The following DNAJA2 variants were observed in gnomAD, a reference collection of about 807,000 sequenced individuals.
DNAJA2 encodes the protein dnaJ homolog subfamily A member 2.
A neutral mutation model predicts 49.3 loss-of-function variants in DNAJA2; 6 were observed. That is an observed-to-expected ratio of 0.12 (90% CI 0.07 to 0.24). DNAJA2 has a LOEUF of 0.24. Among genes scored for constraint, DNAJA2 ranks in the 10% least tolerant of loss-of-function variants. DNAJA2 has a pLI of 1.00. For synonymous variants in DNAJA2, 160 were observed against 172.7 expected, an observed-to-expected ratio of 0.93 and a Z score of 0.58; for missense variants, 347 against 516.8, an observed-to-expected ratio of 0.67 and a Z score of 3.19.
intron 7 of DNAJA2, 60 bp from the exon 8 acceptor site, chr16:46,959,190 A>T: frequency 6.4e-7 from 1 of 1,564,466 alleles, no homozygotes; most frequent in Admixed American, 2.0e-5. Flanking sequence ...AATTTTTTTT[A>T]GAGTTATGCA....
chr16:46,964,482 A>G (rs934374571), intron 6 of DNAJA2, 129 bp downstream of exon 6: 1 of 833,210 alleles, frequency 1.2e-6, no homozygotes, highest in Non-Finnish European at 1.8e-6. Flanking sequence ...GGAACTCACC[A>G]TGATGCCCTT....
chr16:46,970,538 C>CAGCT (rs1203592262), intron 3 of DNAJA2, among the ~76,000 whole-genome samples: 1 of 149,242 alleles, frequency 6.7e-6, no homozygotes, highest in African/African-American at 2.5e-5. Context: ...AGTTCAAGAC[C>CAGCT]AGCTTGGCCA....
chr16:46,973,580 G>T lies in DNAJA2; in HGVS notation c.-8C>A. 1 of 1,591,536 alleles carries T rather than the reference G, an allele frequency of 6.3e-7. No individual in the cohort carries two copies. Among genetic ancestry groups the T allele is most frequent in the Non-Finnish European group, 8.5e-7 (1 of 1,174,304 alleles). Reference sequence around the variant, plus strand: ...GTCAGCCACGTTAGCCATGGCGGCCGGCCGGGCAGTGCTCGGGGAGAAGGT... The same window carrying T: ...GTCAGCCACGTTAGCCATGGCGGCCTGCCGGGCAGTGCTCGGGGAGAAGGT... On this transcript the variant is annotated 5_prime_UTR_variant, in exon 1 of 9. Coordinates refer to ENST00000317089, the MANE Select transcript of DNAJA2 (RefSeq NM_005880.4).
At chr16:46,960,530 C>T (rs1310581394) in intron 6 of DNAJA2, among the ~76,000 whole-genome samples, 1 of 152,166 alleles carries the variant, frequency 6.6e-6, no homozygotes, top group African/African-American at 2.4e-5. Flanking sequence ...CCTGTAATCC[C>T]AGCACTTTGG....
At chr16:46,967,734 A>C (rs1961992712) in intron 4 of DNAJA2, 88 bp from the exon 5 acceptor site, 1 of 1,527,366 alleles carries the variant, frequency 6.5e-7, no homozygotes. Flanking sequence ...TTTTACCTTC[A>C]TCTTCAACCC....
chr16:46,965,988 C>G (rs1195888750), intron 5 of DNAJA2, among the ~76,000 whole-genome samples: 2 of 152,170 alleles, frequency 1.3e-5, no homozygotes, highest in African/African-American at 4.8e-5. Context: ...CTTTGGGAGG[C>G]TGGGGCAGGA....
In DNAJA2 at chr16:46,956,229, G is replaced by C. The variant is rs1961808572; in HGVS notation, c.*800C>G. The C allele has an allele frequency of 1.3e-5, 2 of 152,092 alleles. No individual in the cohort carries two copies. Among genetic ancestry groups the C allele is most frequent in the Non-Finnish European group, 2.9e-5 (2 of 68,040 alleles). The allele number at this position is 152,092 out of a possible 1,614,324, so 9.4% of individuals were successfully genotyped here. ...AGCATCACTGAAGCCACTGAAGACT[G>C]TCTCTACCAGCCTTTTGTCTTCCAA... On this transcript the variant is annotated 3_prime_UTR_variant, in exon 9 of 9. Transcript: ENST00000317089.
At position 46,959,357 on chromosome 16, in the gene DNAJA2, T is replaced by G; in HGVS notation, c.837A>C (p.Leu279=). ...GCTTAAATGTGAACTGAAATCCACA[T>G]AGAGCTTCAACAAGTCCTATTTTAT... is the stretch of plus-strand genomic sequence containing the variant. ...MTYKIGLVEA[L]CGFQFTFKHL... The change falls in exon 7 of 9, where the codon CTA becomes CTC. Residue 279 remains leucine (L), a synonymous_variant. Coordinates refer to ENST00000317089, the MANE Select transcript of DNAJA2 (RefSeq NM_005880.4). The G allele has an allele frequency of 6.2e-7, 1 of 1,614,046 alleles. No homozygotes were observed. Among genetic ancestry groups the G allele is most frequent in the Non-Finnish European group, 8.5e-7 (1 of 1,179,918 alleles).
chr16:46,973,477 CG>C lies in DNAJA2; in HGVS notation c.78+17del, dbSNP rs1962088005. On this transcript the variant is annotated intron_variant, in intron 1 of 8. Transcript: ENST00000317089. ...AGGCCCCGCGCCCCTCACACCCGCC[CG>C]GCCCGCTCCCAGATACCTTCTTCAG... 6.3e-7 allele frequency: 1 copy of C among 1,590,772 alleles called. No homozygotes were observed. The highest frequency in any genetic ancestry group is 8.5e-7 in the Non-Finnish European group (1 of 1,173,080).
In DNAJA2 at chr16:46,962,284, C is replaced by A. The variant is rs184218814; in HGVS notation, c.774+2327G>T. Among the ~76,000 whole-genome samples the A allele has an allele frequency of 1.4e-4, 22 of 152,304 alleles. 1 individual carries two copies. The East Asian group carries it at 3.3e-3, about 23-fold the overall frequency. On this transcript the variant is annotated intron_variant, in intron 6 of 8. Transcript: ENST00000317089. ...GTCCTTTGCCTCCAAATCCAATGAT[C>A]TACTTTTAAAAACCCAATTTAATTA...
At chr16:46,967,266 CT>C (rs985666503) in intron 5 of DNAJA2, among the ~76,000 whole-genome samples, 6 of 151,856 alleles carry the variant, frequency 4.0e-5, no homozygotes, top group Non-Finnish European at 8.8e-5. Flanking sequence ...TTTTTCCACA[CT>C]TTTTTTTCCT....
At chr16:46,963,694 T>A (rs899455937) in intron 6 of DNAJA2, among the ~76,000 whole-genome samples, 2 of 151,808 alleles carry the variant, frequency 1.3e-5, no homozygotes, top group Non-Finnish European at 2.9e-5. Flanking sequence ...AGCAAGACCA[T>A]CTCAAAAACA....
chr16:46,973,361 C>T, intron 1 of DNAJA2, 134 bp downstream of exon 1: 1 of 741,226 alleles, frequency 1.3e-6, no homozygotes, highest in Non-Finnish European at 1.8e-6. Context: ...GCCGCCGCCG[C>T]CGACTCCCAG....
In DNAJA2 at chr16:46,959,130, C is replaced by T; in HGVS notation, c.920G>A (p.Gly307Glu). 6.3e-7 allele frequency: 1 copy of T among 1,597,358 alleles called. No homozygotes were observed. The highest frequency in any genetic ancestry group is 1.1e-5 in the South Asian group (1 of 88,434). The change falls in exon 8 of 9, where the codon GGG (glycine) becomes GAG (glutamate). Residue 307 changes from glycine (G) to glutamate (E), a missense_variant and splice_region_variant. Physicochemically the swap from Gly to Glu is moderately conservative, Grantham distance 98. Transcript: ENST00000317089. ...KYPPGKVIEPGCVRVVRGEGM... is the reference protein window; with the variant it reads ...KYPPGKVIEPECVRVVRGEGM... ...TTCACCTCGAACTACACGAACACAC[C>T]CTATTATTTAAGAGGAAATGATTAA... is the stretch of plus-strand genomic sequence containing the variant.
At position 46,967,494 on chromosome 16, in the gene DNAJA2, G is replaced by A; in HGVS notation, c.577+19C>T. On this transcript the variant is annotated intron_variant, in intron 5 of 8. Transcript: ENST00000317089. ...CAATCCATTCCAACATAAAAGCAGA[G>A]AAGTACTGGCACACATACCTTCTCC... 1.2e-6 allele frequency: 2 copies of A among 1,613,018 alleles called. No individual in the cohort carries two copies. The highest frequency in any genetic ancestry group is 1.7e-6 in the Non-Finnish European group (2 of 1,179,674).
At chr16:46,964,898 T>G in intron 5 of DNAJA2, 91 bp from the exon 6 acceptor site, 3 of 1,090,592 alleles carry the variant, frequency 2.8e-6, no homozygotes, top group Non-Finnish European at 3.9e-6. Flanking sequence ...TGGACTTCTT[T>G]TAATCACTAC....
In DNAJA2 at chr16:46,971,589, A is replaced by G; in HGVS notation, c.139-17T>C. 1.3e-6 allele frequency: 2 copies of G among 1,548,720 alleles called. No individual in the cohort carries two copies. Among genetic ancestry groups the G allele is most frequent in the South Asian group, 2.4e-5 (2 of 81,794 alleles). ...TTCTTTAAACTATAAAGAAAAGGTA[A>G]AAATAAAAATAATTGCATTTTCAAG... On this transcript the variant is annotated splice_polypyrimidine_tract_variant and intron_variant, in intron 2 of 8. Transcript: ENST00000317089.
intron 2 of DNAJA2, 104 bp from the exon 3 acceptor site, chr16:46,971,676 A>G (rs959967651): frequency 1.1e-5 from 11 of 984,272 alleles, no homozygotes; most frequent in African/African-American, 1.7e-5. Context: ...AAAAAAAAAA[A>G]GGGACAAGTT....
At chr16:46,957,767 T>C (rs1294891265) in intron 8 of DNAJA2, among the ~76,000 whole-genome samples, 1 of 152,088 alleles carries the variant, frequency 6.6e-6, no homozygotes, top group African/African-American at 2.4e-5. Context: ...TACTTAAACA[T>C]TAGAAAGTTT....
Sources: gnomAD v4.1 joint callset for allele counts (sites outside exome capture counted in the v4.1 genomes callset) on GRCh38, gnomAD v4.1.1 for gene constraint, MANE v1.5 for transcripts, NCBI Gene and HGNC (gene_info 2026-07-23, HGNC 2026-07-21) for gene names.